Variants in UBXN2B observed in about 807,000 individuals in gnomAD.
UBXN2B encodes the protein UBX domain-containing protein 2B.
Under a neutral mutation model 37.5 loss-of-function variants are expected in UBXN2B, and 19 were observed. That is an observed-to-expected ratio of 0.51 (90% CI 0.35 to 0.74). UBXN2B has a LOEUF of 0.74. UBXN2B is among the 30% of genes least tolerant of loss of function. UBXN2B has a pLI of 0.01. For missense variants in UBXN2B, 370 were observed against 393.2 expected, an observed-to-expected ratio of 0.94 and a Z score of 0.50; for synonymous variants, 145 against 143.8, an observed-to-expected ratio of 1.01 and a Z score of -0.06.
rs1310098229 is a variant in UBXN2B at position 58,434,570 on chromosome 8, C to A, written c.533+66C>A. On this transcript the variant is annotated intron_variant, in intron 5 of 7. Transcript: ENST00000399598. The stretch of plus-strand genomic sequence containing the variant: ...GGACTTATTTTCTTAACAGACTACT[C>A]ATTATTAGTGCACTACGGGTTTTCA... 12 of 1,169,438 alleles carry A rather than the reference C, an allele frequency of 1.0e-5. No homozygotes were observed. The Admixed American group carries it at 3.3e-4, about 32-fold the overall frequency. 72.4% of individuals were successfully genotyped at this position (1,169,438 alleles called of 1,614,324 possible).
rs561362788 is a variant in UBXN2B at position 58,428,874 on chromosome 8, T to C, written c.189-1645T>C. Among the ~76,000 whole-genome samples, 5 of 152,310 alleles carry C rather than the reference T, an allele frequency of 3.3e-5. No homozygotes were observed. The South Asian group carries it at 1.0e-3, about 32-fold the overall frequency. The stretch of plus-strand genomic sequence containing the variant: ...AGTGCAGAGCAGTGAGGGGCAGAAT[T>C]TCATTAGGTGGTACTGGGACAAATG... On this transcript the variant is annotated intron_variant, in intron 2 of 7. Transcript: ENST00000399598.
intron 2 of UBXN2B, among the ~76,000 whole-genome samples, chr8:58,430,084 T>G (rs1312670200): frequency 6.6e-6 from 1 of 152,230 alleles, no homozygotes; most frequent in Non-Finnish European, 1.5e-5. Context: ...TAGAATTAGC[T>G]GTTTATACTG....
At chr8:58,445,758 C>A in intron 6 of UBXN2B, 149 bp from the exon 7 acceptor site, 1 of 640,678 alleles carries the variant, frequency 1.6e-6, no homozygotes, top group Non-Finnish European at 2.3e-6. Context: ...AAATAAGAAT[C>A]GTAGGATCCA....
chr8:58,442,634 A>G (rs1808577332), intron 6 of UBXN2B, among the ~76,000 whole-genome samples: 1 of 152,234 alleles, frequency 6.6e-6, no homozygotes, highest in South Asian at 2.1e-4. Flanking sequence ...AATAGAAGAA[A>G]GCAAACCATA....
At chr8:58,446,264 C>G (rs964084280) in intron 7 of UBXN2B, among the ~76,000 whole-genome samples, 196 bp downstream of exon 7, 1 of 152,130 alleles carries the variant, frequency 6.6e-6, no homozygotes, top group African/African-American at 2.4e-5. Flanking sequence ...GGTATTTAAA[C>G]AGTCTCTATA....
intron 5 of UBXN2B, among the ~76,000 whole-genome samples, chr8:58,437,110 T>C (rs1808431026): frequency 6.6e-6 from 1 of 152,110 alleles, no homozygotes; most frequent in African/African-American, 2.4e-5. Flanking sequence ...CTCAAGTGGT[T>C]GTGACCAAAG....
rs1308911282 is a variant in UBXN2B at position 58,448,668 on chromosome 8, G to C, written c.*1117G>C. On this transcript the variant is annotated 3_prime_UTR_variant, in exon 8 of 8. Transcript: ENST00000399598. ...GAATGTCTTCTCCAGAACAAGACTAGTGTAGAAATACAGGAATGTAAATTC... is the reference window on the plus strand; with the variant it reads ...GAATGTCTTCTCCAGAACAAGACTACTGTAGAAATACAGGAATGTAAATTC... 6.6e-6 allele frequency: 1 copy of C among 152,464 alleles called. No individual in the cohort carries two copies. Among genetic ancestry groups the C allele is most frequent in the Non-Finnish European group, 1.5e-5 (1 of 68,018 alleles). 9.4% of individuals were successfully genotyped at this position (152,464 alleles called of 1,614,324 possible).
intron 2 of UBXN2B, among the ~76,000 whole-genome samples, chr8:58,418,831 A>G (rs1404773050): frequency 6.6e-6 from 1 of 152,136 alleles, no homozygotes; most frequent in African/African-American, 2.4e-5. Flanking sequence ...ATATTCTCCC[A>G]AGTCTTGAAA....
intron 6 of UBXN2B, among the ~76,000 whole-genome samples, chr8:58,445,556 A>G (rs1265974118): frequency 6.6e-6 from 1 of 152,122 alleles, no homozygotes; most frequent in African/African-American, 2.4e-5. Flanking sequence ...TGATGTACTT[A>G]CTCAACTTTA....
At position 58,446,026 on chromosome 8, in the gene UBXN2B, C is replaced by T; in HGVS notation, c.791C>T (p.Ala264Val). 4 of 1,612,820 alleles carry T rather than the reference C, an allele frequency of 2.5e-6. No individual in the cohort carries two copies. The highest frequency in any genetic ancestry group is 3.4e-6 in the Non-Finnish European group (4 of 1,179,640). ...VPTTKIQIRL[A>V]DGSRLIQRFN... ...ACAACAAAAATTCAAATCAGGTTAG[C>T]AGATGGGAGTCGTTTGATACAAAGA... The change falls in exon 7 of 8, where the codon GCA becomes GTA. Residue 264 changes from alanine to valine, a missense_variant. This residue lies in a region of UBXN2B where 83 missense variants were observed against 83.5 expected (regional missense o/e 0.99). Coordinates refer to ENST00000399598, the MANE Select transcript of UBXN2B (RefSeq NM_001077619.2).
intron 2 of UBXN2B, among the ~76,000 whole-genome samples, chr8:58,417,704 T>C (rs1038441436): frequency 6.6e-6 from 1 of 152,238 alleles, no homozygotes; most frequent in Non-Finnish European, 1.5e-5. Flanking sequence ...GTCTATTTTA[T>C]AAGTTTTCAG....
intron 2 of UBXN2B, among the ~76,000 whole-genome samples, chr8:58,421,400 A>G (rs534815775): frequency 9.2e-5 from 14 of 152,124 alleles, no homozygotes; most frequent in African/African-American, 3.1e-4. Flanking sequence ...AAAAAAACCC[A>G]ATACCATGTG....
intron 2 of UBXN2B, chr8:58,425,261 A>G (rs1335891455): frequency 5.3e-6 from 6 of 1,134,020 alleles, no homozygotes; most frequent in Non-Finnish European, 6.7e-6. Context: ...TCATCAGGCC[A>G]GTATTTGACA....
At chr8:58,424,693 G>GC in intron 2 of UBXN2B, 1 of 1,331,000 alleles carries the variant, frequency 7.5e-7, no homozygotes, top group Non-Finnish European at 1.1e-6. Context: ...AAGGCGGGGG[G>GC]GGGGGCTCTG....
chr8:58,444,356 C>A (rs1405940413), intron 6 of UBXN2B, among the ~76,000 whole-genome samples: 2 of 152,186 alleles, frequency 1.3e-5, no homozygotes, highest in African/African-American at 4.8e-5. Flanking sequence ...ATCTTTACAG[C>A]ACTGCTGCTG....
chr8:58,447,277 A>C, intron 7 of UBXN2B, 112 bp from the exon 8 acceptor site: 1 of 990,496 alleles, frequency 1.0e-6, no homozygotes, highest in Non-Finnish European at 1.4e-6. Context: ...AGAAAGTTAC[A>C]ACACCTTTAT....
At position 58,447,403 on chromosome 8, in the gene UBXN2B, G is replaced by A. The variant is rs780041221; in HGVS notation, c.848G>A (p.Arg283Gln). The A allele has an allele frequency of 2.8e-5, 44 of 1,592,726 alleles. No homozygotes were observed. Among genetic ancestry groups the A allele is most frequent in the South Asian group, 4.6e-5 (4 of 86,206 alleles). ...TATTTCTTCAGGATCCTGGATGTCC[G>A]GAACTTTATTGTACAGTCTCGTCCT... ...FNSTHRILDV[R>Q]NFIVQSRPEF... Residue 283 changes from arginine to glutamine, a missense_variant, in exon 8 of 8, where the codon CGG becomes CAG. This residue lies in a region of UBXN2B where 83 missense variants were observed against 83.5 expected (regional missense o/e 0.99). Coordinates refer to ENST00000399598, the MANE Select transcript of UBXN2B (RefSeq NM_001077619.2).
At chr8:58,446,234 GT>G (rs1808664519) in intron 7 of UBXN2B, among the ~76,000 whole-genome samples, 166 bp downstream of exon 7, 1 of 150,016 alleles carries the variant, frequency 6.7e-6, no homozygotes, top group East Asian at 1.9e-4. Flanking sequence ...CAATAGCTGT[GT>G]TTAAGAAATG....
intron 2 of UBXN2B, chr8:58,425,440 A>T (rs1235083814): frequency 3.5e-6 from 4 of 1,135,934 alleles, no homozygotes; most frequent in Non-Finnish European, 5.4e-6. Context: ...AAATTTGGGC[A>T]TGATGATATT....
Sources: gnomAD v4.1 joint callset for allele counts (sites outside exome capture counted in the v4.1 genomes callset) on GRCh38, gnomAD v4.1.1 for gene constraint, gnomAD v4.1.1 regional missense constraint, MANE v1.5 for transcripts, NCBI Gene and HGNC (gene_info 2026-07-23, HGNC 2026-07-21) for gene names.